The following STARD13 variants were observed in gnomAD, a reference collection of about 807,000 sequenced individuals.
The protein encoded by STARD13 is stAR-related lipid transfer protein 13.
In STARD13, 62 loss-of-function variants were observed where a neutral mutation model predicts 106.4. That is an observed-to-expected ratio of 0.58 (90% CI 0.48 to 0.72). The LOEUF is 0.72. STARD13 is among the 30% of genes least tolerant of loss of function. The probability of loss-of-function intolerance (pLI) is 0.00; values close to 1 mark genes in which losing one functional copy is unlikely to be tolerated. For synonymous variants in STARD13, 565 were observed against 553.0 expected, an observed-to-expected ratio of 1.02 and a Z score of -0.31; for missense variants, 1,387 against 1,424.0, an observed-to-expected ratio of 0.97 and a Z score of 0.42.
the STARD13 span, among the ~76,000 whole-genome samples, chr13:33,669,870 C>T: frequency 1.3e-5 from 2 of 152,126 alleles, no homozygotes; most frequent in Admixed American, 6.5e-5. Context: ...TCTTGTATGT[C>T]CCTTAAGAGC....
the STARD13 span, among the ~76,000 whole-genome samples, chr13:33,499,705 TCC>T: frequency 6.8e-6 from 1 of 146,674 alleles, no homozygotes; most frequent in African/African-American, 2.5e-5. Context: ...CTCTTCCTCT[TCC>T]TCTTCCTCTC....
the STARD13 span, among the ~76,000 whole-genome samples, chr13:33,587,954 C>T: frequency 7.2e-5 from 11 of 152,168 alleles, no homozygotes; most frequent in South Asian, 1.2e-3. Context: ...TTAAAATCAA[C>T]GTCTCCTTTT....
At chr13:33,266,972 C>T (rs772641509) in intron 1 of STARD13, among the ~76,000 whole-genome samples, 19 of 152,152 alleles carry the variant, frequency 1.2e-4, no homozygotes, top group African/African-American at 3.9e-4. Context: ...AAAAAGTGGT[C>T]TCTGTTTCTG....
At chr13:33,263,977 T>G (rs924283507) in intron 1 of STARD13, among the ~76,000 whole-genome samples, 1 of 152,094 alleles carries the variant, frequency 6.6e-6, no homozygotes, top group African/African-American at 2.4e-5. Context: ...CAAGACTAGA[T>G]CATAAAAAGT....
At chr13:33,307,907 A>C (rs142948568) in intron 1 of STARD13, among the ~76,000 whole-genome samples, 80 of 152,354 alleles carry the variant, frequency 5.3e-4, no homozygotes, top group African/African-American at 1.7e-3. Flanking sequence ...GTCTTAAACA[A>C]TTACTGCTAA....
chr13:33,256,645 C>T (rs1476986492), intron 1 of STARD13, among the ~76,000 whole-genome samples: 4 of 152,162 alleles, frequency 2.6e-5, no homozygotes, highest in South Asian at 4.1e-4. Context: ...ATGAATACTG[C>T]TTTGCATTTA....
chr13:33,433,818 G>GC, the STARD13 span, among the ~76,000 whole-genome samples: 1 of 151,978 alleles, frequency 6.6e-6, no homozygotes, highest in Non-Finnish European at 1.5e-5. Context: ...CTGTGTATTT[G>GC]CCCCCTCTGT....
chr13:33,246,012 T>G (rs186839362), intron 1 of STARD13, among the ~76,000 whole-genome samples: 50 of 152,198 alleles, frequency 3.3e-4, no homozygotes, highest in Admixed American at 2.0e-4. Context: ...ACCGTACAAG[T>G]AAGGATATTT....
At chr13:33,421,179 A>G in the STARD13 span, among the ~76,000 whole-genome samples, 1 of 152,226 alleles carries the variant, frequency 6.6e-6, no homozygotes, top group South Asian at 2.1e-4. Context: ...AAAGATCAAC[A>G]AAACTGATAA....
intron 1 of STARD13, among the ~76,000 whole-genome samples, chr13:33,263,359 T>C (rs556921642): frequency 6.6e-6 from 1 of 152,218 alleles, no homozygotes; most frequent in African/African-American, 2.4e-5. Context: ...CCCTCTCCTT[T>C]AAATGTTTAA....
intron 1 of STARD13, among the ~76,000 whole-genome samples, chr13:33,261,894 G>C (rs1176962346): frequency 6.6e-6 from 1 of 152,132 alleles, no homozygotes; most frequent in Non-Finnish European, 1.5e-5. Flanking sequence ...GCTTGGGTTC[G>C]GAAGGCAGGG....
chr13:33,254,173 A>T (rs570660995), intron 1 of STARD13, among the ~76,000 whole-genome samples: 16 of 152,298 alleles, frequency 1.1e-4, no homozygotes, highest in Non-Finnish European at 2.1e-4. Context: ...CTGATGGGGT[A>T]GTGGGTGGCA....
the STARD13 span, among the ~76,000 whole-genome samples, chr13:33,539,230 T>C: frequency 6.6e-6 from 1 of 152,204 alleles, no homozygotes. Flanking sequence ...GCAATACCTG[T>C]ATGCTGAAAA....
At chr13:33,212,493 C>T (rs1227459618) in intron 1 of STARD13, among the ~76,000 whole-genome samples, 1 of 152,174 alleles carries the variant, frequency 6.6e-6, no homozygotes, top group Non-Finnish European at 1.5e-5. Flanking sequence ...CACTGGCACC[C>T]AGAGCCTACA....
chr13:33,247,078 T>C (rs946998204), intron 1 of STARD13, among the ~76,000 whole-genome samples: 2 of 152,158 alleles, frequency 1.3e-5, no homozygotes, highest in South Asian at 4.1e-4. Flanking sequence ...ATGCCTGTAG[T>C]CCTAGCTACT....
chr13:33,477,262 G>T, the STARD13 span, among the ~76,000 whole-genome samples: 1 of 152,266 alleles, frequency 6.6e-6, no homozygotes, highest in East Asian at 1.9e-4. Flanking sequence ...TGCTTAAAGG[G>T]TTTTCAGGGT....
the STARD13 span, among the ~76,000 whole-genome samples, chr13:33,420,931 A>T: frequency 6.6e-6 from 1 of 152,162 alleles, no homozygotes; most frequent in Non-Finnish European, 1.5e-5. Flanking sequence ...AACATACCAG[A>T]TCTCTGGGAC....
At chr13:33,523,137 C>T in the STARD13 span, among the ~76,000 whole-genome samples, 7,699 of 152,122 alleles carry the variant, frequency 0.051, 241 homozygotes, top group African/African-American at 0.074. Flanking sequence ...CCTGACTTCT[C>T]CATGGATTCA....
At chr13:33,561,252 AACACAAGTCTAT>A in the STARD13 span, among the ~76,000 whole-genome samples, 8 of 151,518 alleles carry the variant, frequency 5.3e-5, no homozygotes. Context: ...AAAAAAAGAA[AACACAAGTCTAT>A]AGGATTTATT....
Sources: gnomAD v4.1 joint callset for allele counts (sites outside exome capture counted in the v4.1 genomes callset) on GRCh38, gnomAD v4.1.1 for gene constraint, MANE v1.5 for transcripts, NCBI Gene and HGNC (gene_info 2026-07-23, HGNC 2026-07-21) for gene names.